The following MYO1C variants were observed in gnomAD, a reference collection of about 807,000 sequenced individuals.
MYO1C encodes unconventional myosin-Ic.
A neutral mutation model predicts 150.8 loss-of-function variants in MYO1C; 104 were observed. The observed-to-expected ratio is 0.69, with a 90% confidence interval of 0.59 to 0.81. MYO1C has a LOEUF of 0.81. MYO1C is among the 30% of genes least tolerant of loss of function. MYO1C has a pLI of 0.00. For synonymous variants in MYO1C, 663 were observed against 579.9 expected (o/e 1.14, Z -2.06); for missense variants, 1,504 against 1,435.0 (o/e 1.05, Z -0.78).
chr17:1,472,217 C>T lies in MYO1C; in HGVS notation c.1809G>A (p.Gln603=), dbSNP rs774081064. 2.5e-6 allele frequency: 4 copies of T among 1,614,142 alleles called. No individual in the cohort carries two copies. Among genetic ancestry groups the T allele is most frequent in the Admixed American group, 3.3e-5 (2 of 60,028 alleles). Residue 603 remains glutamine, a synonymous_variant, in exon 18 of 32, where the codon CAG becomes CAA. Transcript: ENST00000648651. Reference sequence around the variant, plus strand: ...CCAGCTGCAGGAGGCTCATCTTGAACTGGGTGGCGACCTGGCGAGCCAAGA... The same window carrying T: ...CCAGCTGCAGGAGGCTCATCTTGAATTGGGTGGCGACCTGGCGAGCCAAGA... ...DKKRPETVAT[Q]FKMSLLQLVE... is the part of the protein sequence containing the mutation.
intron 2 of MYO1C, 22 bp from the exon 3 acceptor site, chr17:1,483,747 C>T: frequency 6.3e-7 from 1 of 1,575,470 alleles, no homozygotes; most frequent in Non-Finnish European, 8.7e-7. Context: ...GGAAGAGGGT[C>T]CAAAGTTTAT....
chr17:1,484,501 G>A (rs1446897383), intron 1 of MYO1C, 198 bp from the exon 2 acceptor site: 2 of 651,248 alleles, frequency 3.1e-6, no homozygotes, highest in Non-Finnish European at 5.4e-6. Flanking sequence ...AGCCGGGTGT[G>A]GAGGGCCCGG....
rs1291443685 is a variant in MYO1C at position 1,473,563 on chromosome 17, T to C, written c.1797+1047A>G. The stretch of plus-strand genomic sequence containing the variant: ...CCTGCCAGGCAGTCTGGCTTCCACC[T>C]CCCTATGGACTCACTGACCTCACTC... On this transcript the variant is annotated intron_variant, in intron 17 of 31. Transcript: ENST00000648651. Among the ~76,000 whole-genome samples the C allele has an allele frequency of 1.2e-3, 183 of 152,012 alleles. 1 individual carries two copies. Among genetic ancestry groups the C allele is most frequent in the Non-Finnish European group, 4.1e-4 (28 of 67,974 alleles).
At position 1,482,608 on chromosome 17, in the gene MYO1C, TCCCCACCCCGCCTTGTAGCTACTGCTG is replaced by T. The variant is rs2074546379; in HGVS notation, c.547-77_547-51del. The T allele has an allele frequency of 1.0e-5, 12 of 1,151,946 alleles. No individual in the cohort carries two copies. In the African/African-American group the frequency reaches 1.8e-4, roughly 17 times the overall value. The allele number at this position is 1,151,946 out of a possible 1,614,324, so 71.4% of individuals were successfully genotyped here. A position where few individuals can be genotyped will look rare whatever the true frequency, so the allele number is the denominator to read the frequency against. On this transcript the variant is annotated intron_variant, in intron 4 of 31. Transcript: ENST00000648651. ...GACACCTGGCACTCTCCCCCTGCCCTCCCCACCCCGCCTTGTAGCTACTGCTGCCCCTCCCCTCCCGCACTGGGCTTC... is the reference window on the plus strand; with the variant it reads ...GACACCTGGCACTCTCCCCCTGCCCTCCCCTCCCCTCCCGCACTGGGCTTC...
intron 17 of MYO1C, chr17:1,472,431 TCA>T (rs1231368684): frequency 1.3e-4 from 77 of 588,978 alleles, no homozygotes; most frequent in Non-Finnish European, 5.2e-5. Flanking sequence ...GCGAGAGACC[TCA>T]GTCTACGAGC....
chr17:1,469,091 G>A (rs915768562), intron 25 of MYO1C: 17 of 313,108 alleles, frequency 5.4e-5, no homozygotes, highest in African/African-American at 3.5e-4. Flanking sequence ...TGAGGTCACC[G>A]GTAGACCGGG....
Position 1,483,657 on chromosome 17 carries a change from A to G in MYO1C, c.300T>C (p.His100=), listed in dbSNP as rs1392121041. The G allele has an allele frequency of 1.2e-6, 2 of 1,613,240 alleles. No homozygotes were observed. Among genetic ancestry groups the G allele is most frequent in the Admixed American group, 1.7e-5 (1 of 59,894 alleles). Residue 100 remains histidine, a synonymous_variant, in exon 3 of 32, where the codon CAT becomes CAC. Coordinates refer to ENST00000648651, the MANE Select transcript of MYO1C (RefSeq NM_001080779.2). The part of the protein sequence containing the change: ...YRDLQIYSRQ[H]MERYRGVSFY... ...AGCTGACGCCACGGTAACGCTCCAT[A>G]TGCTGCCGGCTGTAGATCTGCAGGT...
chr17:1,486,609 G>A (rs1258727650), intron 1 of MYO1C, among the ~76,000 whole-genome samples: 2 of 151,422 alleles, frequency 1.3e-5, no homozygotes, highest in East Asian at 3.9e-4. Flanking sequence ...TCTGCCTCCC[G>A]GGTTCTAGCG....
In MYO1C at chr17:1,464,815, CTT is replaced by C. The variant is rs557106289; in HGVS notation, c.*909_*910del. 10 of 144,080 alleles carry C rather than the reference CTT, an allele frequency of 6.9e-5. No individual in the cohort carries two copies. Among genetic ancestry groups the C allele is most frequent in the Non-Finnish European group, 1.5e-4 (10 of 66,386 alleles). 8.9% of individuals were successfully genotyped at this position (144,080 alleles called of 1,614,324 possible). A position where few individuals can be genotyped will look rare whatever the true frequency, so the allele number is the denominator to read the frequency against. On this transcript the variant is annotated 3_prime_UTR_variant, in exon 32 of 32. Coordinates refer to ENST00000648651, the MANE Select transcript of MYO1C (RefSeq NM_001080779.2). ...ATGATGAGGACAGTAAAAGGGCGTT[CTT>C]TTTTTTTTTTTTTAAGACGGAGTCT... is the stretch of plus-strand genomic sequence containing the variant.
In MYO1C at chr17:1,482,485, T is replaced by G; in HGVS notation, c.620A>C (p.Asp207Ala). 6.2e-7 allele frequency: 1 copy of G among 1,613,918 alleles called. No homozygotes were observed. Among genetic ancestry groups the G allele is most frequent in the Non-Finnish European group, 8.5e-7 (1 of 1,179,860 alleles). ...CACACACATCCATGGTACCTTGAAG[T>G]CAAACTGCACATCCATGTACTTCCC... Reference protein sequence around the residue: ...RFGKYMDVQFDFKGAPVGGHI... With the variant: ...RFGKYMDVQFAFKGAPVGGHI... Residue 207 changes from aspartate to alanine, a missense_variant, in exon 5 of 32, where the codon GAC becomes GCC. Transcript: ENST00000648651.
At chr17:1,472,353 C>T (rs2150940919) in intron 17 of MYO1C, 125 bp from the exon 18 acceptor site, 1 of 779,264 alleles carries the variant, frequency 1.3e-6, no homozygotes, top group Non-Finnish European at 2.1e-6. Context: ...CTGGTCCTTA[C>T]TCCTCCCACC....
intron 25 of MYO1C, 94 bp from the exon 26 acceptor site, chr17:1,468,590 A>AC: frequency 1.0e-6 from 1 of 1,001,530 alleles, no homozygotes; most frequent in Admixed American, 1.9e-5. Context: ...AGCCTCCCTC[A>AC]CCCGCTTGCT....
At chr17:1,468,625 G>A in intron 25 of MYO1C, 129 bp from the exon 26 acceptor site, 1 of 744,510 alleles carries the variant, frequency 1.3e-6, no homozygotes, top group Non-Finnish European at 2.3e-6. Flanking sequence ...TCAGCACCAG[G>A]AGGCTGAGCC....
rs371379966 is a variant in MYO1C at position 1,470,300 on chromosome 17, G to T, written c.2401C>A (p.Arg801Ser). Residue 801 changes from arginine to serine, a missense_variant, in exon 24 of 32, where the codon CGC becomes AGC. By Grantham distance (110) the Arg-to-Ser change is moderately radical. Transcript: ENST00000648651. ...AGGAAGAAGGCGTTCTCGGGGCAGC[G>T]GGGGGCGTGGCGCAGGACGAAGCCT... ...IRGFVLRHAP[R>S]CPENAFFLDH... is the part of the protein sequence containing the mutation. 2.5e-6 allele frequency: 4 copies of T among 1,574,374 alleles called. No individual in the cohort carries two copies. The highest frequency in any genetic ancestry group is 2.3e-5 in the South Asian group (2 of 86,362).
intron 5 of MYO1C, 35 bp from the exon 6 acceptor site, chr17:1,480,920 G>T: frequency 6.2e-7 from 1 of 1,610,316 alleles, no homozygotes; most frequent in African/African-American, 1.3e-5. Context: ...CCGGGTCACG[G>T]GGACTGGGAA....
chr17:1,480,028 C>A (rs1435751481), intron 7 of MYO1C, among the ~76,000 whole-genome samples: 1 of 151,466 alleles, frequency 6.6e-6, no homozygotes. Flanking sequence ...TGTCTGTAAT[C>A]CCAACTACTC....
In MYO1C at chr17:1,480,751, C is replaced by A; in HGVS notation, c.762G>T (p.Arg254Ser). ...TCTGGGGGTTCCGTTCCAAGCCCAG[C>A]CTGCGAAGAGTCTCCTCCTCGCCCC... ...LEGGEEETLR[R>S]LGLERNPQSY... The change falls in exon 6 of 32, where the codon AGG becomes AGT. Residue 254 changes from arginine (R) to serine (S), a missense_variant. Coordinates refer to ENST00000648651, the MANE Select transcript of MYO1C (RefSeq NM_001080779.2). The A allele has an allele frequency of 6.2e-7, 1 of 1,614,190 alleles. No individual in the cohort carries two copies. Among genetic ancestry groups the A allele is most frequent in the African/African-American group, 1.3e-5 (1 of 75,054 alleles).
intron 13 of MYO1C, 24 bp from the exon 14 acceptor site, chr17:1,477,620 A>G (rs1238562051): frequency 1.3e-6 from 2 of 1,579,412 alleles, no homozygotes; most frequent in East Asian, 4.5e-5. Flanking sequence ...CACAGGGGGA[A>G]GGACGTATGG....
chr17:1,486,490 C>A (rs2074658440), intron 1 of MYO1C, among the ~76,000 whole-genome samples: 1 of 151,686 alleles, frequency 6.6e-6, no homozygotes, highest in African/African-American at 2.4e-5. Flanking sequence ...CGCCTCTGGG[C>A]CCGGACCTCC....
Sources: gnomAD v4.1 joint callset for allele counts (sites outside exome capture counted in the v4.1 genomes callset) on GRCh38, gnomAD v4.1.1 for gene constraint, MANE v1.5 for transcripts, NCBI Gene and HGNC (gene_info 2026-07-23, HGNC 2026-07-21) for gene names.